The following PLD1 variants were observed in gnomAD, a reference collection of about 807,000 sequenced individuals.
PLD1 encodes phospholipase D1.
Under a neutral mutation model 137.1 loss-of-function variants are expected in PLD1, and 112 were observed. The ratio of observed to expected loss-of-function variants is 0.82; its 90% CI spans 0.70 to 0.96. PLD1 has a LOEUF of 0.96. PLD1 is among the 40% of genes least tolerant of loss of function. The pLI is 0.00. For synonymous variants in PLD1, 431 were observed against 454.7 expected, an observed-to-expected ratio of 0.95 and a Z score of 0.66; for missense variants, 1,321 against 1,342.0, an observed-to-expected ratio of 0.98 and a Z score of 0.24.
intron 16 of PLD1, among the ~76,000 whole-genome samples, chr3:171,681,166 C>T (rs912065366): frequency 6.6e-6 from 1 of 152,206 alleles, no homozygotes; most frequent in Admixed American, 6.5e-5. Context: ...TTTCATAACT[C>T]ACAGGTCAGC....
chr3:171,674,505 C>T lies in PLD1; in HGVS notation c.2224G>A (p.Val742Ile), dbSNP rs749537417. The T allele has an allele frequency of 1.0e-5, 16 of 1,552,968 alleles. No individual in the cohort carries two copies. The highest frequency in any genetic ancestry group is 3.5e-5 in the Admixed American group (2 of 57,590). The change falls in exon 19 of 27, where the codon GTA (valine) becomes ATA (isoleucine). Residue 742 changes from valine to isoleucine, a missense_variant. By Grantham distance (29) the Val-to-Ile change is conservative. Coordinates refer to ENST00000351298, the MANE Select transcript of PLD1 (RefSeq NM_002662.5). ...AAAAGCCAGAACTTACTTACCTGTA[C>T]GTTAGCATGGACAGACCCAGGCACT... ...YQVPGSVHANVQLLRSAADWS... is the reference protein window; with the variant it reads ...YQVPGSVHANIQLLRSAADWS...
intron 1 of PLD1, among the ~76,000 whole-genome samples, chr3:171,769,399 C>G (rs1381913492): frequency 6.6e-6 from 1 of 152,202 alleles, no homozygotes; most frequent in African/African-American, 2.4e-5. Context: ...CAGCTACAAT[C>G]AGGTGGACAA....
intron 1 of PLD1, among the ~76,000 whole-genome samples, chr3:171,804,552 C>T (rs79410060): frequency 1.6e-3 from 244 of 152,252 alleles, no homozygotes; most frequent in African/African-American, 5.6e-3. Context: ...ACCTCAAGGA[C>T]CTTGCCCTCT....
chr3:171,635,134 T>A (rs1348250445), intron 23 of PLD1, among the ~76,000 whole-genome samples: 1 of 152,190 alleles, frequency 6.6e-6, no homozygotes, highest in Non-Finnish European at 1.5e-5. Flanking sequence ...AATACTCCAC[T>A]GTATGGATAC....
chr3:171,733,463 T>C lies in PLD1; in HGVS notation c.587A>G (p.Tyr196Cys). 7.4e-7 allele frequency: 1 copy of C among 1,343,198 alleles called. No individual in the cohort carries two copies. The highest frequency in any genetic ancestry group is 1.2e-5 in the South Asian group (1 of 83,216). 83.2% of individuals were successfully genotyped at this position (1,343,198 alleles called of 1,614,324 possible). The change falls in exon 6 of 27, where the codon TAT becomes TGT. Residue 196 changes from tyrosine (Y) to cysteine (C), a missense_variant. Physicochemically the swap from Tyr to Cys is radical, Grantham distance 194 (BLOSUM62 -2). Transcript: ENST00000351298. ...YLTKILKMPM[Y>C]RNYHATTEFL... is the part of the protein sequence containing the mutation. ...ACTTACTGTGGCATGATAGTTTCTA[T>C]ACATGGGCATTTTTAGTATCTTTGT...
chr3:171,787,860 C>T (rs4894511), intron 1 of PLD1, among the ~76,000 whole-genome samples: 99,439 of 151,168 alleles, frequency 0.66, 33,342 homozygotes, highest in Admixed American at 0.73. Flanking sequence ...AAAAAAAAAA[C>T]TAGAAAAATA....
At chr3:171,603,339 T>G in intron 26 of PLD1, 37 bp from the exon 27 acceptor site, 1 of 1,467,226 alleles carries the variant, frequency 6.8e-7, no homozygotes. Flanking sequence ...AGTGAAAAGT[T>G]TAAAAGCGAG....
At chr3:171,615,441 GA>G (rs1432898903) in intron 24 of PLD1, among the ~76,000 whole-genome samples, 1 of 152,098 alleles carries the variant, frequency 6.6e-6, no homozygotes, top group Non-Finnish European at 1.5e-5. Context: ...AGTCATCACT[GA>G]ATTTATTACC....
intron 1 of PLD1, chr3:171,789,482 C>A (rs1279807112): frequency 6.6e-6 from 1 of 152,176 alleles, no homozygotes; most frequent in Non-Finnish European, 1.5e-5. Flanking sequence ...TACACGAAGT[C>A]AGCAGTATTC....
intron 1 of PLD1, among the ~76,000 whole-genome samples, chr3:171,764,863 GAAAGAAAGAAAGAAAGAAAGAAAGA>G: frequency 4.1e-5 from 1 of 24,510 alleles, no homozygotes; most frequent in Non-Finnish European, 8.8e-5. Context: ...AAGAAAGAAA[GAAAGAAAGAAAGAAAGAAAGAAAGA>G]AAGAAAGGAA....
At chr3:171,657,307 A>G (rs1434484009) in intron 21 of PLD1, among the ~76,000 whole-genome samples, 1 of 152,268 alleles carries the variant, frequency 6.6e-6, no homozygotes, top group Non-Finnish European at 1.5e-5. Flanking sequence ...GTCCTTAAGT[A>G]TAAAAGTCCC....
At chr3:171,645,995 A>G (rs1736181252) in intron 21 of PLD1, among the ~76,000 whole-genome samples, 1 of 152,274 alleles carries the variant, frequency 6.6e-6, no homozygotes, top group Admixed American at 6.5e-5. Flanking sequence ...ATTAATGACA[A>G]CCTTTGAAAG....
intron 25 of PLD1, among the ~76,000 whole-genome samples, chr3:171,607,133 A>T (rs1224964699): frequency 2.6e-5 from 4 of 152,124 alleles, no homozygotes; most frequent in Non-Finnish European, 5.9e-5. Context: ...GACTTTTATA[A>T]CCTCAAAGTT....
At chr3:171,744,042 G>A (rs899160898) in intron 1 of PLD1, among the ~76,000 whole-genome samples, 4 of 152,190 alleles carry the variant, frequency 2.6e-5, no homozygotes, top group African/African-American at 7.2e-5. Flanking sequence ...CCTGAGAGGC[G>A]TGTAACATGT....
At chr3:171,629,857 T>C (rs1039247115) in intron 23 of PLD1, among the ~76,000 whole-genome samples, 17 of 152,232 alleles carry the variant, frequency 1.1e-4, no homozygotes, top group African/African-American at 3.9e-4. Context: ...TATACAAAAA[T>C]TAATTCAAGA....
chr3:171,747,752 C>G (rs1720346341), intron 1 of PLD1, among the ~76,000 whole-genome samples: 1 of 152,178 alleles, frequency 6.6e-6, no homozygotes, highest in Non-Finnish European at 1.5e-5. Context: ...TCTGTCCTTA[C>G]AACAGACCTA....
intron 11 of PLD1, among the ~76,000 whole-genome samples, chr3:171,705,085 T>C (rs1428255658): frequency 1.3e-5 from 2 of 152,174 alleles, no homozygotes; most frequent in African/African-American, 4.8e-5. Flanking sequence ...CATGGCCTGG[T>C]TCCTAACAGG....
chr3:171,793,458 G>T (rs948085784), intron 1 of PLD1: 3 of 151,884 alleles, frequency 2.0e-5, no homozygotes, highest in Admixed American at 1.3e-4. Flanking sequence ...TTGTCTTGAG[G>T]TTACTTATGC....
At chr3:171,697,237 CTT>C (rs34340739) in intron 12 of PLD1, among the ~76,000 whole-genome samples, 4 of 97,316 alleles carry the variant, frequency 4.1e-5, no homozygotes, top group Admixed American at 2.3e-4. Context: ...TTCCGGACAC[CTT>C]TTTTTTTTTT....
Sources: allele counts gnomAD v4.1 joint callset (sites outside exome capture counted in the v4.1 genomes callset), GRCh38; gene constraint gnomAD v4.1.1; transcripts MANE v1.5; gene names NCBI Gene and HGNC (gene_info 2026-07-23, HGNC 2026-07-21).